The following PPFIA2 variants were observed in gnomAD, a reference collection of about 807,000 sequenced individuals.
The protein encoded by PPFIA2 is liprin-alpha-2.
Under a neutral mutation model 175.5 loss-of-function variants are expected in PPFIA2, and 46 were observed. That is an observed-to-expected ratio of 0.26 (90% CI 0.21 to 0.34). The LOEUF is 0.34. Among genes scored for constraint, PPFIA2 ranks in the 10% least tolerant of loss-of-function variants. The pLI, the probability that PPFIA2 is intolerant of heterozygous loss-of-function variation, is 1.00. For missense variants in PPFIA2, 1,179 were observed against 1,506.1 expected (o/e 0.78, Z 3.60); for synonymous variants, 568 against 511.4 (o/e 1.11, Z -1.49).
intron 4 of PPFIA2, among the ~76,000 whole-genome samples, chr12:81,658,972 A>G (rs1410321645): frequency 3.9e-5 from 6 of 152,124 alleles, no homozygotes; most frequent in Non-Finnish European, 7.4e-5. Flanking sequence ...ATATATTAAT[A>G]TTTATTTTGC....
chr12:81,348,980 A>G (rs1037845823), intron 17 of PPFIA2, among the ~76,000 whole-genome samples: 15 of 152,138 alleles, frequency 9.9e-5, no homozygotes, highest in African/African-American at 3.1e-4. Context: ...TGATCACTTC[A>G]AAGTTTTCTT....
At chr12:81,553,222 T>G (rs1016146178) in intron 4 of PPFIA2, among the ~76,000 whole-genome samples, 7 of 151,826 alleles carry the variant, frequency 4.6e-5, no homozygotes, top group Non-Finnish European at 8.8e-5. Flanking sequence ...GGAAATAAAT[T>G]GAAGCATTCT....
intron 4 of PPFIA2, among the ~76,000 whole-genome samples, chr12:81,609,688 T>C (rs757770332): frequency 3.3e-4 from 51 of 152,282 alleles, no homozygotes; most frequent in Non-Finnish European, 6.3e-4. Flanking sequence ...AATGGGTCCC[T>C]GGAAGAAAGC....
chr12:81,497,530 C>CTTTTTT (rs34030284), intron 4 of PPFIA2, among the ~76,000 whole-genome samples: 13 of 66,202 alleles, frequency 2.0e-4, no homozygotes, highest in African/African-American at 6.6e-4. Context: ...TCATTGATGT[C>CTTTTTT]TTTTTTTTTT....
At chr12:81,571,027 G>A (rs2072448798) in intron 4 of PPFIA2, among the ~76,000 whole-genome samples, 1 of 151,580 alleles carries the variant, frequency 6.6e-6, no homozygotes, top group African/African-American at 2.4e-5. Flanking sequence ...TATTCATTAT[G>A]GTGTAACAAC....
chr12:81,260,677 C>G (rs1447067477), intron 32 of PPFIA2: 1 of 152,092 alleles, frequency 6.6e-6, no homozygotes, highest in African/African-American at 2.4e-5. Context: ...GGCAGCATAT[C>G]TGCTCCCATC....
At chr12:81,484,624 C>G (rs1593756479) in intron 4 of PPFIA2, among the ~76,000 whole-genome samples, 1 of 151,876 alleles carries the variant, frequency 6.6e-6, no homozygotes, top group African/African-American at 2.4e-5. Flanking sequence ...AATGAATTAC[C>G]ATTAATATTG....
intron 8 of PPFIA2, among the ~76,000 whole-genome samples, chr12:81,387,853 T>C (rs903767699): frequency 1.3e-5 from 2 of 152,234 alleles, no homozygotes; most frequent in Non-Finnish European, 2.9e-5. Flanking sequence ...GTACAGATAG[T>C]TGTGTACTGT....
At chr12:81,372,513 G>GAAAAAAAAAAAAAAAACAAAAAAA (rs2035397446) in intron 11 of PPFIA2, among the ~76,000 whole-genome samples, 1 of 93,632 alleles carries the variant, frequency 1.1e-5, no homozygotes, top group African/African-American at 3.3e-5. Flanking sequence ...AATTGAAACA[G>GAAAAAAAAAAAAAAAACAAAAAAA]AAAAAAAAAA....
intron 14 of PPFIA2, among the ~76,000 whole-genome samples, chr12:81,366,689 C>T (rs575143616): frequency 1.3e-5 from 2 of 151,834 alleles, no homozygotes; most frequent in South Asian, 2.1e-4. Context: ...ACATATATAA[C>T]TTAGCATAAT....
chr12:81,614,669 G>T (rs1335479218), intron 4 of PPFIA2, among the ~76,000 whole-genome samples: 1 of 151,986 alleles, frequency 6.6e-6, no homozygotes, highest in Non-Finnish European at 1.5e-5. Context: ...CTTTTTCCAA[G>T]AATTTTATTT....
intron 28 of PPFIA2, among the ~76,000 whole-genome samples, chr12:81,272,544 C>T (rs1331287578): frequency 1.3e-5 from 2 of 152,108 alleles, no homozygotes; most frequent in Non-Finnish European, 2.9e-5. Context: ...CATATTGATT[C>T]CAACTATATT....
Position 81,353,325 on chromosome 12 carries a change from C to A in PPFIA2, c.1788G>T (p.Gly596=). Residue 596 remains glycine, a synonymous_variant, in exon 17 of 33, where the codon GGG becomes GGT. Coordinates refer to ENST00000549396, the MANE Select transcript of PPFIA2 (RefSeq NM_003625.5). The part of the protein sequence containing the change: ...RRDEPKVKSL[G]DHEWNRTQQI... ...GTTGAGTTCTATTCCACTCGTGATC[C>A]CCAAGAGATTTCACCTGAATGGTGA... The A allele has an allele frequency of 6.2e-7, 1 of 1,612,594 alleles. No homozygotes were observed. Among genetic ancestry groups the A allele is most frequent in the South Asian group, 1.1e-5 (1 of 91,060 alleles).
At chr12:81,688,632 G>A (rs1001708062) in intron 3 of PPFIA2, among the ~76,000 whole-genome samples, 2 of 150,764 alleles carry the variant, frequency 1.3e-5, no homozygotes, top group African/African-American at 4.9e-5. Context: ...TAGCCTATCG[G>A]AAGTGATTTT....
intron 15 of PPFIA2, among the ~76,000 whole-genome samples, chr12:81,359,908 A>G (rs1372627869): frequency 2.0e-5 from 3 of 151,904 alleles, no homozygotes; most frequent in Non-Finnish European, 4.4e-5. Context: ...GCCACTTTCC[A>G]GTTTCATTTT....
chr12:81,594,200 T>G (rs1466915678), intron 4 of PPFIA2, among the ~76,000 whole-genome samples: 3 of 152,010 alleles, frequency 2.0e-5, no homozygotes, highest in Admixed American at 2.0e-4. Context: ...ATGGAAAAAT[T>G]GTCTTCCAGA....
At chr12:81,554,481 A>C (rs933968188) in intron 4 of PPFIA2, among the ~76,000 whole-genome samples, 2 of 151,944 alleles carry the variant, frequency 1.3e-5, no homozygotes, top group Non-Finnish European at 2.9e-5. Context: ...GGCTTCTTCC[A>C]ATTTTCTTAT....
Position 81,676,774 on chromosome 12 carries a change from T to C in PPFIA2, c.303+17A>G, listed in dbSNP as rs2072593154. On this transcript the variant is annotated intron_variant, in intron 4 of 32. Transcript: ENST00000549396. ...TCAATTCATCAATAGTTAAATTTAA[T>C]GAAGAATCTAACTTACCGGTGGATC... 1.3e-6 allele frequency: 2 copies of C among 1,531,220 alleles called. No individual in the cohort carries two copies. Among genetic ancestry groups the C allele is most frequent in the African/African-American group, 1.4e-5 (1 of 71,108 alleles). The allele number at this position is 1,531,220 out of a possible 1,614,324, so 94.9% of individuals were successfully genotyped here.
chr12:81,659,467 A>T (rs2068404652), intron 4 of PPFIA2, among the ~76,000 whole-genome samples: 1 of 152,172 alleles, frequency 6.6e-6, no homozygotes, highest in African/African-American at 2.4e-5. Flanking sequence ...CTAGCACAGC[A>T]GTCTGAGATC....
Sources: gnomAD v4.1 joint callset for allele counts (sites outside exome capture counted in the v4.1 genomes callset) on GRCh38, gnomAD v4.1.1 for gene constraint, MANE v1.5 for transcripts, NCBI Gene and HGNC (gene_info 2026-07-23, HGNC 2026-07-21) for gene names.